Variants in MDGA2 observed in about 807,000 individuals in gnomAD.
MDGA2 encodes the protein MAM domain containing glycosylphosphatidylinositol anchor 2.
MDGA2 carries 40 observed loss-of-function variants against 117.8 expected under a neutral mutation model. The ratio of observed to expected loss-of-function variants is 0.34; its 90% CI spans 0.26 to 0.44. The LOEUF (loss-of-function observed/expected upper bound fraction) is 0.44. Ranked by LOEUF, MDGA2 falls within the 20% of genes least tolerant of loss-of-function variation. The pLI is 1.00. For missense variants in MDGA2, 1,123 were observed against 1,250.6 expected (o/e 0.90, Z 1.54); for synonymous variants, 452 against 439.0 (o/e 1.03, Z -0.37).
intron 1 of MDGA2, among the ~76,000 whole-genome samples, chr14:47,477,166 T>C (rs1204819932): frequency 6.6e-6 from 1 of 152,146 alleles, no homozygotes; most frequent in Non-Finnish European, 1.5e-5. Context: ...TGTCTCAAAA[T>C]AAATAAATAA....
At chr14:47,254,196 G>A (rs1887543594) in intron 2 of MDGA2, among the ~76,000 whole-genome samples, 1 of 152,220 alleles carries the variant, frequency 6.6e-6, no homozygotes, top group Admixed American at 6.5e-5. Flanking sequence ...CTGTCTTGGT[G>A]ATCAACATTT....
intron 1 of MDGA2, among the ~76,000 whole-genome samples, chr14:47,620,624 T>C (rs1489338305): frequency 6.6e-6 from 1 of 152,222 alleles, no homozygotes; most frequent in Non-Finnish European, 1.5e-5. Context: ...TTCCAAATTA[T>C]AAAATTAGCT....
intron 2 of MDGA2, among the ~76,000 whole-genome samples, chr14:47,227,476 T>C (rs1446929405): frequency 6.6e-6 from 1 of 152,202 alleles, no homozygotes; most frequent in African/African-American, 2.4e-5. Flanking sequence ...CAGTTTCTTC[T>C]AAGGGCATTT....
At chr14:47,621,837 C>T (rs1203987173) in intron 1 of MDGA2, among the ~76,000 whole-genome samples, 1 of 152,252 alleles carries the variant, frequency 6.6e-6, no homozygotes, top group South Asian at 2.1e-4. Context: ...AGCCAACATA[C>T]GTTGTAAGCG....
chr14:47,000,446 T>C (rs894948853), intron 8 of MDGA2, among the ~76,000 whole-genome samples: 3 of 142,590 alleles, frequency 2.1e-5, no homozygotes, highest in African/African-American at 7.7e-5. Flanking sequence ...TACATATAAA[T>C]ATATATATAA....
At chr14:47,184,388 G>A (rs1169720970) in intron 3 of MDGA2, among the ~76,000 whole-genome samples, 11 of 151,862 alleles carry the variant, frequency 7.2e-5, no homozygotes, top group Non-Finnish European at 1.6e-4. Context: ...ACATTTTTTT[G>A]TCCATGTAGT....
At chr14:46,913,613 ATCT>A (rs1883788027) in intron 10 of MDGA2, among the ~76,000 whole-genome samples, 2 of 152,182 alleles carry the variant, frequency 1.3e-5, no homozygotes, top group Admixed American at 1.3e-4. Context: ...TATCAAACAT[ATCT>A]TTTTTGCTTA....
chr14:47,376,799 G>GA (rs1361075006), intron 1 of MDGA2, among the ~76,000 whole-genome samples: 3 of 152,028 alleles, frequency 2.0e-5, no homozygotes, highest in East Asian at 1.9e-4. Flanking sequence ...AGACACTGTA[G>GA]AAAAAATGCA....
intron 14 of MDGA2, among the ~76,000 whole-genome samples, chr14:46,861,847 A>T (rs930771305): frequency 1.8e-4 from 28 of 151,982 alleles, no homozygotes; most frequent in African/African-American, 5.6e-4. Flanking sequence ...TAAAAGAGAA[A>T]TCAGTGCCAA....
At position 47,588,255 on chromosome 14, in the gene MDGA2, TATATATACAC is replaced by T. The variant is rs1227000943; in HGVS notation, c.280+86252_280+86261del. Among the ~76,000 whole-genome samples the T allele has an allele frequency of 5.2e-3, 498 of 96,044 alleles. 3 individuals are homozygous for T. Among genetic ancestry groups the T allele is most frequent in the African/African-American group, 0.015 (467 of 30,140 alleles). The allele number at this position is 96,044 out of a possible 152,430, so 63.0% of individuals were successfully genotyped here. On this transcript the variant is annotated intron_variant, in intron 1 of 16. Transcript: ENST00000399232. ...ATAGATAGATATATATATATATATA[TATATATACAC>T]ACACACACACACACACACACACAAA... is the stretch of plus-strand genomic sequence containing the variant.
chr14:47,112,762 T>C (rs1170796582), intron 5 of MDGA2, among the ~76,000 whole-genome samples: 1 of 152,138 alleles, frequency 6.6e-6, no homozygotes, highest in Non-Finnish European at 1.5e-5. Context: ...TACCCAGTAA[T>C]AGGATTGCTG....
At chr14:47,218,361 A>G (rs573164734) in intron 2 of MDGA2, among the ~76,000 whole-genome samples, 166 bp from the exon 3 acceptor site, 1 of 152,284 alleles carries the variant, frequency 6.6e-6, no homozygotes, top group African/African-American at 2.4e-5. Context: ...GAATTAAAAA[A>G]TTTTTAATGT....
At chr14:47,401,643 T>C (rs909160688) in intron 1 of MDGA2, among the ~76,000 whole-genome samples, 8 of 152,332 alleles carry the variant, frequency 5.3e-5, no homozygotes, top group South Asian at 2.1e-4. Flanking sequence ...AGCAAATTAC[T>C]GGCCAACCCA....
chr14:47,533,488 T>C (rs1377853928), intron 1 of MDGA2, among the ~76,000 whole-genome samples: 2 of 152,188 alleles, frequency 1.3e-5, no homozygotes, highest in East Asian at 3.8e-4. Flanking sequence ...CATAAATTCA[T>C]CTGGGACTAA....
chr14:46,855,226 C>CT lies in MDGA2; in HGVS notation c.2753-73dup. ...AAATTTGTTTTTCCTTGACCAAACACTTGTAAACTTTTTAAACTGAAATTT... is the reference window on the plus strand; with the variant it reads ...AAATTTGTTTTTCCTTGACCAAACACTTTGTAAACTTTTTAAACTGAAATTT... On this transcript the variant is annotated intron_variant, in intron 14 of 16. Transcript: ENST00000399232. The surrounding 1 kb of genome is among the most constrained non-coding windows in gnomAD (Gnocchi z 4.1). 1 of 1,357,316 alleles carries CT rather than the reference C, an allele frequency of 7.4e-7. No homozygotes were observed. Among genetic ancestry groups the CT allele is most frequent in the Admixed American group, 2.1e-5 (1 of 47,578 alleles). The allele number at this position is 1,357,316 out of a possible 1,614,324, so 84.1% of individuals were successfully genotyped here.
At chr14:46,916,513 T>C (rs1883905136) in intron 10 of MDGA2, among the ~76,000 whole-genome samples, 1 of 152,202 alleles carries the variant, frequency 6.6e-6, no homozygotes, top group Non-Finnish European at 1.5e-5. Flanking sequence ...GATTTTATTG[T>C]ATCTAGAATA....
chr14:47,444,494 T>A (rs1893080673), intron 1 of MDGA2: 1 of 192,090 alleles, frequency 5.2e-6, no homozygotes, highest in Admixed American at 4.8e-5. Context: ...ATGAGCACCA[T>A]TATGGTGGCA....
At chr14:47,388,325 C>T (rs2416060) in intron 1 of MDGA2, among the ~76,000 whole-genome samples, 149,388 of 152,240 alleles carry the variant, frequency 0.98, 73,356 homozygotes, top group East Asian at 1. Flanking sequence ...GAATAGTATA[C>T]TGAAGTAAAC....
At chr14:46,944,648 T>C (rs887680560) in intron 9 of MDGA2, among the ~76,000 whole-genome samples, 3 of 152,074 alleles carry the variant, frequency 2.0e-5, no homozygotes, top group Admixed American at 6.6e-5. Context: ...TATTTTTTGA[T>C]CTATCAGGTT....
Sources: gnomAD v4.1 joint callset for allele counts (sites outside exome capture counted in the v4.1 genomes callset) on GRCh38, gnomAD v4.1.1 for gene constraint, Gnocchi (gnomAD v3.1) non-coding constraint, MANE v1.5 for transcripts, NCBI Gene and HGNC (gene_info 2026-07-23, HGNC 2026-07-21) for gene names.